CHST11: variants seen among roughly 807,000 people sequenced by gnomAD.
CHST11 encodes the protein C4S-1.
CHST11 carries 9 observed loss-of-function variants against 30.4 expected under a neutral mutation model. The ratio of observed to expected loss-of-function variants is 0.30; its 90% CI spans 0.18 to 0.52. The LOEUF (loss-of-function observed/expected upper bound fraction) is 0.52, where lower values mean the gene tolerates loss of function less well. CHST11 is among the 20% of genes least tolerant of loss of function. CHST11 has a pLI of 0.97. For missense variants in CHST11, 348 were observed against 460.6 expected, an observed-to-expected ratio of 0.76 and a Z score of 2.24; for synonymous variants, 152 against 187.8, an observed-to-expected ratio of 0.81 and a Z score of 1.56.
chr12:104,546,806 A>G (rs1437292478), intron 1 of CHST11, among the ~76,000 whole-genome samples: 1 of 152,240 alleles, frequency 6.6e-6, no homozygotes, highest in African/African-American at 2.4e-5. Context: ...AAGTGGGGAT[A>G]GGACCAGCCA....
In CHST11 at chr12:104,456,949, T is replaced by C. The variant is rs1243090619; in HGVS notation, c.-463T>C. On this transcript the variant is annotated 5_prime_UTR_variant, in exon 1 of 3. Coordinates refer to ENST00000303694, the MANE Select transcript of CHST11 (RefSeq NM_018413.6). ...CCCTCGCCGGGGGCCGCGAGTTGCA[T>C]TTGGTAAAACCCAGCCCCGGAATAT... 6.6e-6 allele frequency: 1 copy of C among 152,234 alleles called. No individual in the cohort carries two copies. The highest frequency in any genetic ancestry group is 1.5e-5 in the Non-Finnish European group (1 of 68,150). The allele number at this position is 152,234 out of a possible 1,614,324, so 9.4% of individuals were successfully genotyped here. A position where few individuals can be genotyped will look rare whatever the true frequency, so the allele number is the denominator to read the frequency against.
rs182743261 is a variant in CHST11 at position 104,540,034 on chromosome 12, A to G, written c.119-61872A>G. Among the ~76,000 whole-genome samples the G allele has an allele frequency of 1.7e-4, 26 of 151,954 alleles. No individual in the cohort carries two copies. In the East Asian group the frequency reaches 4.8e-3, roughly 28 times the overall value. ...CTATGTGCCTCCTCCCATATACTTTACTCTCTAGATTACTTAAAATACTTA... is the reference window on the plus strand; with the variant it reads ...CTATGTGCCTCCTCCCATATACTTTGCTCTCTAGATTACTTAAAATACTTA... On this transcript the variant is annotated intron_variant, in intron 1 of 2. Transcript: ENST00000303694.
At chr12:104,720,005 G>A (rs964551386) in intron 2 of CHST11, among the ~76,000 whole-genome samples, 16 of 152,250 alleles carry the variant, frequency 1.1e-4, no homozygotes, top group East Asian at 3.8e-4. Flanking sequence ...CCAGACTAAC[G>A]CTGGTGTCCA....
At chr12:104,645,919 T>A (rs1481711117) in intron 2 of CHST11, among the ~76,000 whole-genome samples, 1 of 152,234 alleles carries the variant, frequency 6.6e-6, no homozygotes, top group Non-Finnish European at 1.5e-5. Flanking sequence ...CTGCCTGTCA[T>A]GATCAAGCTC....
At chr12:104,667,054 T>C (rs2136092356) in intron 2 of CHST11, among the ~76,000 whole-genome samples, 1 of 152,344 alleles carries the variant, frequency 6.6e-6, no homozygotes, top group Admixed American at 6.5e-5. Flanking sequence ...AACATAGTCA[T>C]TCATTTTCAT....
chr12:104,757,053 C>A lies in CHST11; in HGVS notation c.309C>A (p.Thr103=). The change falls in exon 3 of 3, where the codon ACC becomes ACA. Residue 103 remains threonine (T), a synonymous_variant. Coordinates refer to ENST00000303694, the MANE Select transcript of CHST11 (RefSeq NM_018413.6). This position sits in a 1 kb window ranked among gnomAD's most constrained non-coding sequence, Gnocchi z 6.5. ...SATSRKRRVL[T]PNDLKHLVVD... ...CAAGCCGTAAGCGGAGGGTGCTGAC[C>A]CCCAACGACCTGAAGCACTTGGTGG... 1 of 1,614,116 alleles carries A rather than the reference C, an allele frequency of 6.2e-7. No individual in the cohort carries two copies. The highest frequency in any genetic ancestry group is 8.5e-7 in the Non-Finnish European group (1 of 1,180,030).
chr12:104,569,486 G>A (rs2038602117), intron 1 of CHST11, among the ~76,000 whole-genome samples: 1 of 152,204 alleles, frequency 6.6e-6, no homozygotes, highest in Non-Finnish European at 1.5e-5. Context: ...CTTAGGGGAA[G>A]AGCTCAGAGG....
At chr12:104,510,032 G>T (rs1406687617) in intron 1 of CHST11, among the ~76,000 whole-genome samples, 1 of 152,044 alleles carries the variant, frequency 6.6e-6, no homozygotes, top group Admixed American at 6.6e-5. Flanking sequence ...TACTTTTTTG[G>T]CATCTAGCTG....
At chr12:104,752,724 T>C (rs1265580157) in intron 2 of CHST11, among the ~76,000 whole-genome samples, 2 of 152,066 alleles carry the variant, frequency 1.3e-5, no homozygotes, top group Non-Finnish European at 2.9e-5. Context: ...AAATGGGGTT[T>C]CGCCATGTTG....
In CHST11 at chr12:104,676,097, A is replaced by G. The variant is rs2039740168; in HGVS notation, c.204+74106A>G. Among the ~76,000 whole-genome samples the G allele has an allele frequency of 6.6e-6, 1 of 152,216 alleles. No individual in the cohort carries two copies. The highest frequency in any genetic ancestry group is 2.4e-5 in the African/African-American group (1 of 41,466). On this transcript the variant is annotated intron_variant, in intron 2 of 2. Coordinates refer to ENST00000303694, the MANE Select transcript of CHST11 (RefSeq NM_018413.6). This position sits in a 1 kb window ranked among gnomAD's most constrained non-coding sequence, Gnocchi z 4.4. ...TTTATATTGTTTTGATTTTTGAGTC[A>G]TGTATCTCATTTGAGCAAGAGATCA...
chr12:104,488,581 GTA>G lies in CHST11; in HGVS notation c.118+31054_118+31055del, dbSNP rs1335350357. Among the ~76,000 whole-genome samples the G allele has an allele frequency of 3.7e-4, 48 of 128,436 alleles. No homozygotes were observed. In the South Asian group the frequency reaches 9.9e-3, roughly 27 times the overall value. The allele number at this position is 128,436 out of a possible 152,430, so 84.3% of individuals were successfully genotyped here. On this transcript the variant is annotated intron_variant, in intron 1 of 2. Coordinates refer to ENST00000303694, the MANE Select transcript of CHST11 (RefSeq NM_018413.6). ...TGTGTGTATGCGTGTGTATGTGTGT[GTA>G]TGTATGCGTATGTATGCGTATGTGT...
intron 1 of CHST11, among the ~76,000 whole-genome samples, chr12:104,479,175 C>T (rs897710071): frequency 1.3e-5 from 2 of 151,946 alleles, no homozygotes; most frequent in Admixed American, 6.5e-5. Flanking sequence ...AAAAGGGCCC[C>T]CCCTTTTTTT....
At chr12:104,718,439 C>T (rs2040148213) in intron 2 of CHST11, among the ~76,000 whole-genome samples, 1 of 152,220 alleles carries the variant, frequency 6.6e-6, no homozygotes, top group Non-Finnish European at 1.5e-5. Flanking sequence ...GATACGGAGA[C>T]TGAGGCTGAC....
At chr12:104,705,919 A>T (rs1592849647) in intron 2 of CHST11, among the ~76,000 whole-genome samples, 1 of 18,410 alleles carries the variant, frequency 5.4e-5, no homozygotes, top group Non-Finnish European at 7.9e-5. Flanking sequence ...CTCAAAAAAT[A>T]AAAAAAAAAA....
chr12:104,585,160 G>T (rs527735735), intron 1 of CHST11, among the ~76,000 whole-genome samples: 1 of 152,190 alleles, frequency 6.6e-6, no homozygotes, highest in African/African-American at 2.4e-5. Flanking sequence ...GGGAGAGATC[G>T]TCTTTCCAGC....
At chr12:104,721,899 G>A (rs1254161195) in intron 2 of CHST11, among the ~76,000 whole-genome samples, 5 of 152,200 alleles carry the variant, frequency 3.3e-5, no homozygotes, top group Non-Finnish European at 7.3e-5. Context: ...TATTGCCTGA[G>A]GTTGCACTGT....
intron 1 of CHST11, among the ~76,000 whole-genome samples, chr12:104,584,112 T>C (rs2038777536): frequency 6.6e-6 from 1 of 152,252 alleles, no homozygotes; most frequent in Non-Finnish European, 1.5e-5. Flanking sequence ...AGAACTTGCC[T>C]GATTTTCAGT....
intron 1 of CHST11, among the ~76,000 whole-genome samples, chr12:104,560,263 T>C (rs879054186): frequency 6.6e-6 from 1 of 152,100 alleles, no homozygotes; most frequent in Admixed American, 6.5e-5. Flanking sequence ...ACCAAATTAG[T>C]ATTGAAAAAA....
At chr12:104,638,234 A>C (rs1305305780) in intron 2 of CHST11, among the ~76,000 whole-genome samples, 1 of 152,220 alleles carries the variant, frequency 6.6e-6, no homozygotes, top group East Asian at 1.9e-4. Context: ...AACAAAATAG[A>C]AAATATCAGA....
Sources: allele counts gnomAD v4.1 joint callset (sites outside exome capture counted in the v4.1 genomes callset), GRCh38; gene constraint gnomAD v4.1.1; non-coding constraint Gnocchi (gnomAD v3.1); transcripts MANE v1.5; gene names NCBI Gene and HGNC (gene_info 2026-07-23, HGNC 2026-07-21).